The following GPLD1 variants were observed in gnomAD, a reference collection of about 807,000 sequenced individuals.
The protein encoded by GPLD1 is phosphatidylinositol-glycan-specific phospholipase D.
In GPLD1, 84 loss-of-function variants were observed where a neutral mutation model predicts 112.6. The ratio of observed to expected loss-of-function variants is 0.75; its 90% CI spans 0.63 to 0.89. The LOEUF is 0.89. Ranked by LOEUF, GPLD1 falls within the 40% of genes least tolerant of loss-of-function variation. The pLI is 0.00. For missense variants in GPLD1, 1,044 were observed against 1,051.5 expected (o/e 0.99, Z 0.10); for synonymous variants, 386 against 403.8 (o/e 0.96, Z 0.53).
chr6:24,465,146 G>A (rs2744606), intron 10 of GPLD1, among the ~76,000 whole-genome samples: 4,185 of 143,254 alleles, frequency 0.029, 128 homozygotes, highest in African/African-American at 0.083. Context: ...GCAGTGAGCC[G>A]AGATCGCACC....
chr6:24,433,148 C>A, intron 24 of GPLD1, 39 bp downstream of exon 24: 1 of 1,403,516 alleles, frequency 7.1e-7, no homozygotes, highest in Non-Finnish European at 1.0e-6. Context: ...ACCCGTAGTA[C>A]TAACATAAAC....
upstream of GPLD1, chr6:24,489,740 G>T (rs1764504380): frequency 3.3e-6 from 2 of 599,312 alleles, no homozygotes; most frequent in Non-Finnish European, 5.4e-6. Context: ...TGGGGGGTGG[G>T]GTTGGGAGGA....
chr6:24,449,336 C>T (rs1010605124), intron 15 of GPLD1, among the ~76,000 whole-genome samples: 3 of 152,114 alleles, frequency 2.0e-5, no homozygotes, highest in Admixed American at 2.0e-4. Flanking sequence ...TGGTAGGAAG[C>T]ATCTGTGGGA....
chr6:24,437,203 G>A lies in GPLD1; in HGVS notation c.2107C>T (p.Pro703Ser), dbSNP rs766572741. 1.1e-5 allele frequency: 17 copies of A among 1,613,926 alleles called. No homozygotes were observed. Among genetic ancestry groups the A allele is most frequent in the Admixed American group, 1.7e-5 (1 of 60,016 alleles). The change falls in exon 21 of 25, where the codon CCT (proline) becomes TCT (serine). Residue 703 changes from proline to serine, a missense_variant. Coordinates refer to ENST00000230036, the MANE Select transcript of GPLD1 (RefSeq NM_001503.4). ...RMYALTSDAQ[P>S]LLLSTFSGDR... ...CCGCTGAAGGTGCTGAGCAGCAGAGGCTGCGCGTCAGATGTGAGTGCGTAC... is the reference window on the plus strand; with the variant it reads ...CCGCTGAAGGTGCTGAGCAGCAGAGACTGCGCGTCAGATGTGAGTGCGTAC...
intron 7 of GPLD1, among the ~76,000 whole-genome samples, chr6:24,468,702 C>T (rs544695503): frequency 2.6e-4 from 39 of 152,192 alleles, no homozygotes; most frequent in Admixed American, 1.6e-3. Flanking sequence ...TACAGGCATG[C>T]GCCACCATGC....
chr6:24,483,181 A>G (rs911420348), intron 2 of GPLD1, among the ~76,000 whole-genome samples: 1 of 151,506 alleles, frequency 6.6e-6, no homozygotes, highest in Non-Finnish European at 1.5e-5. Context: ...TACAAAAATT[A>G]GTGGGGCATG....
Position 24,472,592 on chromosome 6 carries a change from C to A in GPLD1, c.535G>T (p.Ala179Ser). The change falls in exon 7 of 25, where the codon GCA becomes TCA. Residue 179 changes from alanine to serine, a missense_variant. Physicochemically the swap from Ala to Ser is moderately conservative, Grantham distance 99 (BLOSUM62 1). Transcript: ENST00000230036. Reference sequence around the variant, plus strand: ...GTACATTGCTCTTACCAGCGTCGTGCAAGGTAATTAAAATTAAATTCAAAC... The same window carrying A: ...GTACATTGCTCTTACCAGCGTCGTGAAAGGTAATTAAAATTAAATTCAAAC... ...SQFEFNFNYLARRWYVPVKDL... is the reference protein window; with the variant it reads ...SQFEFNFNYLSRRWYVPVKDL... 6.3e-7 allele frequency: 1 copy of A among 1,589,916 alleles called. No homozygotes were observed. Among genetic ancestry groups the A allele is most frequent in the South Asian group, 1.1e-5 (1 of 90,604 alleles).
chr6:24,473,558 G>T, intron 6 of GPLD1, 61 bp downstream of exon 6: 1 of 989,066 alleles, frequency 1.0e-6, no homozygotes, highest in Non-Finnish European at 1.6e-6. Flanking sequence ...AAGCACAGTA[G>T]TGATGTCATT....
upstream of GPLD1, among the ~76,000 whole-genome samples, chr6:24,492,505 C>CAAAAAAAAAAAAAAA (rs57089818): frequency 1.2e-5 from 1 of 81,528 alleles, no homozygotes. Context: ...GACCCTGACT[C>CAAAAAAAAAAAAAAA]AAAAAAAAAA....
intron 13 of GPLD1, among the ~76,000 whole-genome samples, chr6:24,455,520 T>A (rs879909688): frequency 6.6e-6 from 1 of 152,128 alleles, no homozygotes; most frequent in African/African-American, 2.4e-5. Flanking sequence ...GTTTTGTATG[T>A]TGTTGTTGTT....
intron 11 of GPLD1, among the ~76,000 whole-genome samples, chr6:24,460,894 C>A (rs1376868436): frequency 6.6e-6 from 1 of 151,980 alleles, no homozygotes; most frequent in Non-Finnish European, 1.5e-5. Flanking sequence ...GCATGCACCA[C>A]CACACCCAGC....
At chr6:24,437,067 G>A (rs367753476) in intron 21 of GPLD1, 46 bp downstream of exon 21, 84 of 1,565,020 alleles carry the variant, frequency 5.4e-5, no homozygotes, top group African/African-American at 3.1e-4. Flanking sequence ...CCACCCCCTG[G>A]GCAAAGGGAC....
At chr6:24,460,949 G>A (rs903645601) in intron 11 of GPLD1, among the ~76,000 whole-genome samples, 31 of 151,998 alleles carry the variant, frequency 2.0e-4, no homozygotes, top group African/African-American at 7.2e-4. Context: ...CACTATGTTG[G>A]CCAGGCTGGG....
intron 11 of GPLD1, 22 bp downstream of exon 11, chr6:24,462,708 A>G: frequency 6.4e-7 from 1 of 1,553,066 alleles, no homozygotes; most frequent in Non-Finnish European, 8.9e-7. Flanking sequence ...TTTTTCTATG[A>G]ACAATTTTGG....
Position 24,460,388 on chromosome 6 carries a change from TG to T in GPLD1, c.898del (p.Gln300ArgfsTer9). On this transcript the variant is annotated frameshift_variant, in exon 12 of 25. Transcript: ENST00000230036. LOFTEE classifies it high-confidence loss of function. ...QQNHTQGSKM[Q>X]KNDFHRNLTT... Reference sequence around the variant, plus strand: ...CAAATTTCTGTGAAAATCATTTTTCTGCATTTTTGAGCTGTTGAAGAGAAAG... The same window carrying T: ...CAAATTTCTGTGAAAATCATTTTTCTCATTTTTGAGCTGTTGAAGAGAAAG... The T allele has an allele frequency of 6.2e-7, 1 of 1,613,856 alleles. No individual in the cohort carries two copies. Among genetic ancestry groups the T allele is most frequent in the Non-Finnish European group, 8.5e-7 (1 of 1,179,894 alleles).
At chr6:24,441,066 G>A (rs1400170852) in intron 20 of GPLD1, among the ~76,000 whole-genome samples, 8 of 152,096 alleles carry the variant, frequency 5.3e-5, no homozygotes, top group Non-Finnish European at 1.0e-4. Context: ...ACTGTGGGAG[G>A]CCGAGGCGGG....
At chr6:24,460,809 G>A (rs750564764) in intron 11 of GPLD1, among the ~76,000 whole-genome samples, 5 of 149,708 alleles carry the variant, frequency 3.3e-5, no homozygotes, top group African/African-American at 9.9e-5. Context: ...GCACGATCTC[G>A]GCTCATTGCA....
chr6:24,463,269 A>G (rs2793444), intron 10 of GPLD1, among the ~76,000 whole-genome samples: 127,896 of 152,132 alleles, frequency 0.84, 54,493 homozygotes, highest in Non-Finnish European at 0.92. Context: ...CTCTGAGAAC[A>G]TAAGAGATAA....
intron 1 of GPLD1, among the ~76,000 whole-genome samples, chr6:24,486,826 AAAG>A: frequency 6.6e-6 from 1 of 152,178 alleles, no homozygotes. Context: ...TCAAAAAAAA[AAAG>A]AAACTGTCAT....
Sources: allele counts gnomAD v4.1 joint callset (sites outside exome capture counted in the v4.1 genomes callset), GRCh38; gene constraint gnomAD v4.1.1; transcripts MANE v1.5; gene names NCBI Gene and HGNC (gene_info 2026-07-23, HGNC 2026-07-21).